SORCS1: variants seen among roughly 807,000 people sequenced by gnomAD.
SORCS1 encodes the protein sortilin related VPS10 domain containing receptor 1, also known as VPS10 domain-containing receptor SorCS1.
SORCS1 carries 60 observed loss-of-function variants against 146.1 expected under a neutral mutation model. The observed-to-expected ratio is 0.41, with a 90% CI of 0.33 to 0.51. SORCS1 has a LOEUF of 0.51. Among genes scored for constraint, SORCS1 ranks in the 20% least tolerant of loss-of-function variants. SORCS1 has a pLI of 0.21. For synonymous variants in SORCS1, 637 were observed against 584.0 expected (o/e 1.09, Z -1.31); for missense variants, 1,352 against 1,487.6 (o/e 0.91, Z 1.50).
At position 106,629,259 on chromosome 10, in the gene SORCS1, C is replaced by T. The variant is rs774912590; in HGVS notation, c.2605G>A (p.Val869Met). The T allele has an allele frequency of 5.0e-6, 8 of 1,613,900 alleles. No homozygotes were observed. Among genetic ancestry groups the T allele is most frequent in the Admixed American group, 3.3e-5 (2 of 59,990 alleles). ...YQNVGIFRVTVQVDNSLGSDS... is the reference protein window; with the variant it reads ...YQNVGIFRVTMQVDNSLGSDS... ...GAACCCAGACTGTTGTCCACCTGCA[C>T]GGTCACACGGAAAATGCCCACGTTC... is the stretch of plus-strand genomic sequence containing the variant. Residue 869 changes from valine to methionine, a missense_variant, in exon 19 of 26, where the codon GTG (valine) becomes ATG (methionine). Physicochemically the swap from Val to Met is conservative, Grantham distance 21. This residue lies in a region of SORCS1 where 648 missense variants were observed against 793.8 expected (regional missense o/e 0.82). Coordinates refer to ENST00000263054, the MANE Select transcript of SORCS1 (RefSeq NM_052918.5).
At chr10:106,797,650 G>A (rs1482213594) in intron 3 of SORCS1, among the ~76,000 whole-genome samples, 2 of 151,952 alleles carry the variant, frequency 1.3e-5, no homozygotes, top group Admixed American at 6.6e-5. Flanking sequence ...GCACGCTTGG[G>A]GTAAAACATC....
At chr10:107,045,733 A>G (rs1476840717) in intron 1 of SORCS1, among the ~76,000 whole-genome samples, 1 of 150,912 alleles carries the variant, frequency 6.6e-6, no homozygotes, top group Non-Finnish European at 1.5e-5. Flanking sequence ...ACATGGATAT[A>G]TATTTATGTG....
intron 1 of SORCS1, among the ~76,000 whole-genome samples, chr10:107,008,779 C>T (rs981559677): frequency 1.1e-4 from 17 of 152,208 alleles, no homozygotes; most frequent in African/African-American, 2.9e-4. Flanking sequence ...GGGTGGATCA[C>T]GAGGTCAAGA....
At chr10:106,870,245 A>G (rs1950357437) in intron 2 of SORCS1, among the ~76,000 whole-genome samples, 1 of 152,226 alleles carries the variant, frequency 6.6e-6, no homozygotes, top group Non-Finnish European at 1.5e-5. Flanking sequence ...AAGAATCAAC[A>G]TCTTTGAAAT....
intron 1 of SORCS1, among the ~76,000 whole-genome samples, chr10:107,153,345 A>G (rs1968991880): frequency 6.6e-6 from 1 of 152,192 alleles, no homozygotes; most frequent in Non-Finnish European, 1.5e-5. Context: ...CAGACATATA[A>G]GAGCGCACAT....
At chr10:107,046,808 G>A (rs1436807420) in intron 1 of SORCS1, among the ~76,000 whole-genome samples, 1 of 152,106 alleles carries the variant, frequency 6.6e-6, no homozygotes, top group African/African-American at 2.4e-5. Context: ...CCTCTCATGA[G>A]GACCCAAAAC....
At chr10:107,174,198 A>G in the SORCS1 span, among the ~76,000 whole-genome samples, 2 of 152,018 alleles carry the variant, frequency 1.3e-5, no homozygotes, top group Non-Finnish European at 2.9e-5. Flanking sequence ...AATCCTGCAC[A>G]TCCTTCTTTT....
chr10:107,127,025 T>C (rs1381049409), intron 1 of SORCS1, among the ~76,000 whole-genome samples: 1 of 152,190 alleles, frequency 6.6e-6, no homozygotes, highest in Non-Finnish European at 1.5e-5. Context: ...GTTAACATGA[T>C]TTACAGATCT....
chr10:106,958,753 G>A (rs1006179817), intron 1 of SORCS1, among the ~76,000 whole-genome samples: 2 of 152,198 alleles, frequency 1.3e-5, no homozygotes, highest in Non-Finnish European at 2.9e-5. Context: ...CATGCCTGTG[G>A]TGGGGGCATA....
chr10:106,708,135 G>A (rs543422260), intron 7 of SORCS1, among the ~76,000 whole-genome samples: 1 of 152,284 alleles, frequency 6.6e-6, no homozygotes, highest in South Asian at 2.1e-4. Flanking sequence ...ATACAGAAAT[G>A]AATTATTATA....
upstream of SORCS1, among the ~76,000 whole-genome samples, chr10:107,167,108 A>AGAC (rs1377289485): frequency 6.6e-6 from 1 of 152,242 alleles, no homozygotes; most frequent in Non-Finnish European, 1.5e-5. Flanking sequence ...TATTCATTTG[A>AGAC]GACAGAAGTT....
intron 18 of SORCS1, among the ~76,000 whole-genome samples, chr10:106,646,912 T>C (rs1035052567): frequency 6.0e-5 from 9 of 150,678 alleles, no homozygotes; most frequent in African/African-American, 2.2e-4. Context: ...TATATATATA[T>C]AATATATGCA....
At chr10:106,601,064 TG>T (rs1846211062) in intron 23 of SORCS1, among the ~76,000 whole-genome samples, 1 of 152,294 alleles carries the variant, frequency 6.6e-6, no homozygotes, top group East Asian at 1.9e-4. Flanking sequence ...GTTCACCAGT[TG>T]CATAATTGGG....
intron 1 of SORCS1, among the ~76,000 whole-genome samples, chr10:107,072,485 T>C (rs370911490): frequency 2.0e-5 from 3 of 152,284 alleles, no homozygotes; most frequent in South Asian, 4.1e-4. Context: ...ATTTAGTTAA[T>C]ATAATCTGTA....
intron 1 of SORCS1, among the ~76,000 whole-genome samples, chr10:106,967,076 G>T (rs1955528377): frequency 6.7e-6 from 1 of 148,658 alleles, no homozygotes. Flanking sequence ...CCTTTGACAG[G>T]TTCTTCTATT....
At chr10:106,860,541 A>G (rs1949968578) in intron 2 of SORCS1, among the ~76,000 whole-genome samples, 1 of 152,236 alleles carries the variant, frequency 6.6e-6, no homozygotes, top group Non-Finnish European at 1.5e-5. Flanking sequence ...GGTATGATCC[A>G]CATTTTACAG....
At chr10:106,723,825 C>T (rs1855952106) in intron 6 of SORCS1, among the ~76,000 whole-genome samples, 1 of 152,010 alleles carries the variant, frequency 6.6e-6, no homozygotes, top group South Asian at 2.1e-4. Flanking sequence ...GCCATGGACC[C>T]CATCAGCAAT....
At chr10:107,105,105 T>C (rs192544444) in intron 1 of SORCS1, among the ~76,000 whole-genome samples, 1 of 152,340 alleles carries the variant, frequency 6.6e-6, no homozygotes, top group East Asian at 1.9e-4. Context: ...ACAGTTAACA[T>C]GTATTCAGCA....
In SORCS1 at chr10:106,785,106, C is replaced by CTGAG. The variant is rs1434985394; in HGVS notation, c.727-8418_727-8415dup. Among the ~76,000 whole-genome samples, 4 of 152,182 alleles carry CTGAG rather than the reference C, an allele frequency of 2.6e-5. No individual in the cohort carries two copies. In the East Asian group the frequency reaches 7.7e-4, roughly 29 times the overall value. ...GCTTTGGTACACTGATTACCTCAAA[C>CTGAG]TGAGGGCTCTTGGGGAACAGCCAAT... On this transcript the variant is annotated intron_variant, in intron 3 of 25. Coordinates refer to ENST00000263054, the MANE Select transcript of SORCS1 (RefSeq NM_052918.5).
Sources: gnomAD v4.1 joint callset for allele counts (sites outside exome capture counted in the v4.1 genomes callset) on GRCh38, gnomAD v4.1.1 for gene constraint, gnomAD v4.1.1 regional missense constraint, MANE v1.5 for transcripts, NCBI Gene and HGNC (gene_info 2026-07-23, HGNC 2026-07-21) for gene names.